The following STAM variants were observed in gnomAD, a reference collection of about 807,000 sequenced individuals.
The protein encoded by STAM is signal transducing adapter molecule 1.
STAM carries 16 observed loss-of-function variants against 63.4 expected under a neutral mutation model. The ratio of observed to expected loss-of-function variants is 0.25; its 90% CI spans 0.17 to 0.38. The LOEUF (loss-of-function observed/expected upper bound fraction) is 0.38. Among genes scored for constraint, STAM ranks in the 10% least tolerant of loss-of-function variants. The pLI is 1.00. For synonymous variants in STAM, 238 were observed against 223.9 expected, an observed-to-expected ratio of 1.06 and a Z score of -0.56; for missense variants, 636 against 657.1, an observed-to-expected ratio of 0.97 and a Z score of 0.35.
chr10:17,705,643 T>C lies in STAM; in HGVS notation c.1111T>C (p.Tyr371His). Reference protein sequence around the residue: ...NVKVMEALSLYTKLMNEDPMY... With the variant: ...NVKVMEALSLHTKLMNEDPMY... ...GAAAGTGATGGAGGCCCTTTCCTTA[T>C]ATACCAAGTTAATGAACGAAGATCC... Residue 371 changes from tyrosine (Y) to histidine (H), a missense_variant, in exon 12 of 14, where the codon TAT becomes CAT. By Grantham distance (83) the Tyr-to-His change is moderately conservative. This residue lies in a region of STAM where 532 missense variants were observed against 536.9 expected (regional missense o/e 0.99). Coordinates refer to ENST00000377524, the MANE Select transcript of STAM (RefSeq NM_003473.4). 6.2e-7 allele frequency: 1 copy of C among 1,613,996 alleles called. No individual in the cohort carries two copies.
intron 1 of STAM, among the ~76,000 whole-genome samples, chr10:17,653,159 G>A (rs1423575773): frequency 6.6e-6 from 1 of 152,134 alleles, no homozygotes; most frequent in African/African-American, 2.4e-5. Context: ...TAGGGACCTG[G>A]AGATTAAGTT....
chr10:17,676,712 G>A (rs910895445), intron 2 of STAM, among the ~76,000 whole-genome samples: 3 of 152,094 alleles, frequency 2.0e-5, no homozygotes, highest in African/African-American at 7.2e-5. Context: ...TTTCACTCGC[G>A]AAAGGGTACT....
intron 2 of STAM, among the ~76,000 whole-genome samples, chr10:17,669,682 C>T (rs1363743939): frequency 9.3e-5 from 14 of 149,958 alleles, no homozygotes; most frequent in African/African-American, 3.4e-4. Flanking sequence ...TGGGAATTTC[C>T]CTTCTTTTTC....
intron 9 of STAM, among the ~76,000 whole-genome samples, chr10:17,701,915 T>C (rs551935290): frequency 2.6e-4 from 39 of 152,220 alleles, no homozygotes; most frequent in Non-Finnish European, 5.4e-4. Flanking sequence ...GATGGTTCCA[T>C]ATTTTTTGTT....
chr10:17,676,008 G>C (rs185589402), intron 2 of STAM, among the ~76,000 whole-genome samples: 1 of 152,230 alleles, frequency 6.6e-6, no homozygotes, highest in East Asian at 1.9e-4. Context: ...CATTAGATCA[G>C]AGAAGTGACT....
intron 11 of STAM, 55 bp downstream of exon 11, chr10:17,705,079 T>C: frequency 1.3e-6 from 2 of 1,501,596 alleles, no homozygotes; most frequent in Non-Finnish European, 1.8e-6. Context: ...AAGCTATCAC[T>C]GTACTGCAAA....
At chr10:17,685,578 C>G (rs1554825979) in intron 4 of STAM, among the ~76,000 whole-genome samples, 1 of 152,154 alleles carries the variant, frequency 6.6e-6, no homozygotes, top group African/African-American at 2.4e-5. Context: ...GAATTTGGCT[C>G]AGGGTTGGGG....
chr10:17,706,395 T>TA, intron 12 of STAM, among the ~76,000 whole-genome samples: 1 of 134,210 alleles, frequency 7.5e-6, no homozygotes, highest in Non-Finnish European at 1.6e-5. Flanking sequence ...TTTTTTTTTT[T>TA]TGAGGCGGAG....
intron 9 of STAM, 83 bp downstream of exon 9, chr10:17,700,362 G>C: frequency 9.5e-7 from 1 of 1,057,488 alleles, no homozygotes; most frequent in Non-Finnish European, 1.3e-6. Flanking sequence ...TTGATTACTT[G>C]AGTTTTTTTG....
intron 9 of STAM, among the ~76,000 whole-genome samples, 167 bp from the exon 10 acceptor site, chr10:17,704,264 C>A (rs1284626586): frequency 6.6e-6 from 1 of 152,138 alleles, no homozygotes; most frequent in Non-Finnish European, 1.5e-5. Context: ...GCTCTGACTT[C>A]ATGCAGTACT....
At chr10:17,689,692 AC>A (rs1336773293) in intron 5 of STAM, among the ~76,000 whole-genome samples, 17 of 152,174 alleles carry the variant, frequency 1.1e-4, no homozygotes, top group Admixed American at 6.5e-4. Flanking sequence ...CAGAGAACCC[AC>A]CTAGAATAGG....
At chr10:17,691,368 A>G (rs1344534785) in intron 5 of STAM, among the ~76,000 whole-genome samples, 6 of 152,146 alleles carry the variant, frequency 3.9e-5, no homozygotes, top group African/African-American at 1.4e-4. Flanking sequence ...AATACAAAAA[A>G]TTAGCCAGGC....
intron 2 of STAM, among the ~76,000 whole-genome samples, chr10:17,665,576 T>C (rs1554823300): frequency 6.6e-6 from 1 of 152,120 alleles, no homozygotes; most frequent in African/African-American, 2.4e-5. Context: ...GTCTTAGAAA[T>C]GTATTTCTTT....
chr10:17,673,375 A>G (rs1834718514), intron 2 of STAM, among the ~76,000 whole-genome samples: 1 of 152,222 alleles, frequency 6.6e-6, no homozygotes, highest in South Asian at 2.1e-4. Flanking sequence ...TTAGTTGTAC[A>G]ATAGTGAAAA....
chr10:17,700,579 G>C (rs913383510), intron 9 of STAM, among the ~76,000 whole-genome samples: 11 of 134,082 alleles, frequency 8.2e-5, no homozygotes, highest in African/African-American at 2.1e-4. Flanking sequence ...TTACAGTGTA[G>C]TAGTGAGATT....
chr10:17,652,416 A>G (rs1297021964), intron 1 of STAM, among the ~76,000 whole-genome samples: 1 of 152,182 alleles, frequency 6.6e-6, no homozygotes, highest in Non-Finnish European at 1.5e-5. Context: ...ATTTATGTGT[A>G]GGAAAGTAAT....
At position 17,648,146 on chromosome 10, in the gene STAM, G is replaced by C. The variant is rs964770179; in HGVS notation, c.40+3767G>C. ...TGGCTGTACTTTAAAAATATATCCA[G>C]AATTTCATTGACAGGTGAAACTAGC... On this transcript the variant is annotated intron_variant, in intron 1 of 13. Coordinates refer to ENST00000377524, the MANE Select transcript of STAM (RefSeq NM_003473.4). Among the ~76,000 whole-genome samples the C allele has an allele frequency of 4.6e-5, 7 of 152,132 alleles. 1 individual carries two copies. Among genetic ancestry groups the C allele is most frequent in the African/African-American group, 1.7e-4 (7 of 41,416 alleles).
chr10:17,704,501 A>G lies in STAM; in HGVS notation c.983A>G (p.Glu328Gly), dbSNP rs782187629. Residue 328 changes from glutamate to glycine, a missense_variant, in exon 10 of 14, where the codon GAG becomes GGG. Physicochemically the swap from Glu to Gly is moderately conservative, Grantham distance 98. Around this residue, in one of 3 missense-constraint regions of STAM, gnomAD observed 532 missense variants for 536.9 expected, o/e 0.99. Coordinates refer to ENST00000377524, the MANE Select transcript of STAM (RefSeq NM_003473.4). Reference sequence around the variant, plus strand: ...AGTGATGATCAGCCAGACCTACCAGAGCTGCTTCATCTTGAAGGTAAAACT... The same window carrying G: ...AGTGATGATCAGCCAGACCTACCAGGGCTGCTTCATCTTGAAGGTAAAACT... The part of the protein sequence containing the change: ...DPSDDQPDLP[E>G]LLHLEAMCHQ... 3.7e-6 allele frequency: 6 copies of G among 1,614,132 alleles called. 1 individual carries two copies. In the South Asian group the frequency reaches 6.6e-5, roughly 18 times the overall value.
intron 5 of STAM, among the ~76,000 whole-genome samples, chr10:17,692,792 C>T (rs191433548): frequency 1.0e-3 from 154 of 152,066 alleles, no homozygotes; most frequent in African/African-American, 3.6e-3. Context: ...GACACTTGAT[C>T]CAAAAGGAAA....
Sources: allele counts gnomAD v4.1 joint callset (sites outside exome capture counted in the v4.1 genomes callset), GRCh38; gene constraint gnomAD v4.1.1; regional missense constraint gnomAD v4.1.1; transcripts MANE v1.5; gene names NCBI Gene and HGNC (gene_info 2026-07-23, HGNC 2026-07-21).